The following AGBL4 variants were observed in gnomAD, a reference collection of about 807,000 sequenced individuals.
AGBL4 encodes cytosolic carboxypeptidase 6.
AGBL4 carries 58 observed loss-of-function variants against 66.4 expected under a neutral mutation model. The observed-to-expected ratio is 0.87, with a 90% confidence interval of 0.71 to 1.09. AGBL4 has a LOEUF of 1.09. AGBL4 is among the 50% of genes least tolerant of loss of function. AGBL4 has a pLI of 0.00. For synonymous variants in AGBL4, 234 were observed against 222.9 expected (o/e 1.05, Z -0.44); for missense variants, 579 against 631.0 (o/e 0.92, Z 0.88).
At chr1:49,840,613 A>C (rs1645967304) in intron 2 of AGBL4, among the ~76,000 whole-genome samples, 1 of 152,176 alleles carries the variant, frequency 6.6e-6, no homozygotes, top group African/African-American at 2.4e-5. Context: ...AGACACAAAA[A>C]TTCTCAACAA....
At chr1:49,151,700 G>A (rs778645030) in intron 4 of AGBL4, among the ~76,000 whole-genome samples, 1 of 152,052 alleles carries the variant, frequency 6.6e-6, no homozygotes, top group Non-Finnish European at 1.5e-5. Context: ...ATAACTTCAG[G>A]AAATACTGTA....
chr1:49,517,761 A>G (rs1451484978), intron 3 of AGBL4, among the ~76,000 whole-genome samples: 2 of 152,110 alleles, frequency 1.3e-5, no homozygotes, highest in Non-Finnish European at 2.9e-5. Flanking sequence ...TTTATTAGAA[A>G]TATTCAATAT....
chr1:49,089,515 T>C (rs1644966103), intron 4 of AGBL4, among the ~76,000 whole-genome samples: 1 of 152,066 alleles, frequency 6.6e-6, no homozygotes. Flanking sequence ...TGATTACATT[T>C]CTTGAAATGT....
intron 3 of AGBL4, among the ~76,000 whole-genome samples, chr1:49,607,704 T>C (rs1392473519): frequency 6.6e-6 from 1 of 152,154 alleles, no homozygotes; most frequent in Non-Finnish European, 1.5e-5. Flanking sequence ...AAAGTCAAGA[T>C]CAGCTGGGTC....
intron 1 of AGBL4, among the ~76,000 whole-genome samples, chr1:49,881,868 C>T (rs1485993574): frequency 2.6e-5 from 4 of 151,838 alleles, no homozygotes; most frequent in African/African-American, 9.7e-5. Flanking sequence ...GTTTCTTTTG[C>T]TGTGCAGAAG....
In AGBL4 at chr1:49,785,884, G is replaced by GAAA. The variant is rs200044395; in HGVS notation, c.157+65509_157+65511dup. Among the ~76,000 whole-genome samples, 203 of 134,322 alleles carry GAAA rather than the reference G, an allele frequency of 1.5e-3. 1 individual carries two copies. Among genetic ancestry groups the GAAA allele is most frequent in the African/African-American group, 4.7e-3 (164 of 35,020 alleles). 88.1% of individuals were successfully genotyped at this position (134,322 alleles called of 152,430 possible). ...TTTCAGAGTACATGAGAAATCCCAG[G>GAAA]AAAAAAAAAATATATATATATATAT... On this transcript the variant is annotated intron_variant, in intron 2 of 13. Transcript: ENST00000371839.
intron 3 of AGBL4, among the ~76,000 whole-genome samples, chr1:49,423,744 G>A (rs548472997): frequency 5.3e-5 from 8 of 150,798 alleles, no homozygotes; most frequent in Non-Finnish European, 1.0e-4. Context: ...CGTGGGAGGC[G>A]GAGGTTGCAG....
chr1:48,597,801 GAGAA>G (rs1487531996), intron 9 of AGBL4, among the ~76,000 whole-genome samples: 8 of 140,164 alleles, frequency 5.7e-5, no homozygotes, highest in Middle Eastern at 7.3e-3. Flanking sequence ...AGGGAAGAAA[GAGAA>G]AGAAAGAGAG....
intron 4 of AGBL4, among the ~76,000 whole-genome samples, chr1:49,181,647 C>T (rs1646932680): frequency 6.6e-6 from 1 of 152,224 alleles, no homozygotes; most frequent in Admixed American, 6.5e-5. Context: ...GCCTAGTGAA[C>T]TCATCCAAGT....
At chr1:49,081,944 A>C (rs970213989) in intron 4 of AGBL4, among the ~76,000 whole-genome samples, 1 of 152,180 alleles carries the variant, frequency 6.6e-6, no homozygotes, top group Non-Finnish European at 1.5e-5. Flanking sequence ...TTTAAAAAGA[A>C]GGCTGGATTT....
intron 3 of AGBL4, among the ~76,000 whole-genome samples, chr1:49,377,019 T>C (rs1644485285): frequency 6.6e-6 from 1 of 152,120 alleles, no homozygotes. Context: ...GAAGAGAAGA[T>C]AACTCATATA....
chr1:49,580,679 C>A (rs1381621507), intron 3 of AGBL4, among the ~76,000 whole-genome samples: 1 of 152,132 alleles, frequency 6.6e-6, no homozygotes, highest in East Asian at 1.9e-4. Flanking sequence ...TCTTTACTGA[C>A]AGTTTTTTTC....
At chr1:49,841,886 G>T in intron 2 of AGBL4, 1 of 620,226 alleles carries the variant, frequency 1.6e-6, no homozygotes, top group Non-Finnish European at 2.9e-6. Context: ...AGAAGCCAGG[G>T]CATGACCCCT....
intron 12 of AGBL4, among the ~76,000 whole-genome samples, chr1:48,538,377 A>G (rs1032011974): frequency 7.2e-5 from 11 of 152,162 alleles, no homozygotes; most frequent in Non-Finnish European, 1.2e-4. Flanking sequence ...ACAAAACCAT[A>G]TTTAGAGATT....
chr1:49,896,225 G>T (rs1483965486), intron 1 of AGBL4, among the ~76,000 whole-genome samples: 1 of 152,000 alleles, frequency 6.6e-6, no homozygotes, highest in Non-Finnish European at 1.5e-5. Context: ...GGAGAACCCA[G>T]ATATATAAAG....
chr1:49,277,423 T>C (rs1644189219), intron 3 of AGBL4, among the ~76,000 whole-genome samples: 1 of 152,194 alleles, frequency 6.6e-6, no homozygotes, highest in South Asian at 2.1e-4. Flanking sequence ...TCTTGATTTA[T>C]TTGTTAAATG....
intron 5 of AGBL4, among the ~76,000 whole-genome samples, chr1:49,018,609 G>A (rs1663001843): frequency 6.6e-6 from 1 of 152,138 alleles, no homozygotes; most frequent in Non-Finnish European, 1.5e-5. Flanking sequence ...TCTGGGTCCT[G>A]AGCATCCAAG....
chr1:48,811,845 G>T (rs1254097865), intron 6 of AGBL4, among the ~76,000 whole-genome samples: 1 of 152,158 alleles, frequency 6.6e-6, no homozygotes, highest in Admixed American at 6.5e-5. Flanking sequence ...TGCTAGAGGG[G>T]TTGACACAGC....
At chr1:49,812,181 G>A (rs976295992) in intron 2 of AGBL4, among the ~76,000 whole-genome samples, 3 of 152,162 alleles carry the variant, frequency 2.0e-5, no homozygotes, top group Admixed American at 2.0e-4. Context: ...GACAAAGCAC[G>A]AATACATTCA....
Sources: gnomAD v4.1 joint callset for allele counts (sites outside exome capture counted in the v4.1 genomes callset) on GRCh38, gnomAD v4.1.1 for gene constraint, MANE v1.5 for transcripts, NCBI Gene and HGNC (gene_info 2026-07-23, HGNC 2026-07-21) for gene names.